The following NEU4 variants were observed in gnomAD, a reference collection of about 807,000 sequenced individuals.
NEU4 encodes the protein neuraminidase 4.
Under a neutral mutation model 9.9 loss-of-function variants are expected in NEU4, and 7 were observed. That is an observed-to-expected ratio of 0.71 (90% CI 0.40 to 1.33). The LOEUF is 1.33. NEU4 is among the 40% of genes most tolerant of loss of function. NEU4 has a pLI of 0.01. For missense variants in NEU4, 717 were observed against 712.6 expected (o/e 1.01, Z -0.07); for synonymous variants, 348 against 316.9 (o/e 1.10, Z -1.04).
chr2:241,814,422 A>C, intron 1 of NEU4, 60 bp from the exon 2 acceptor site: 1 of 1,523,796 alleles, frequency 6.6e-7, no homozygotes, highest in Non-Finnish European at 9.0e-7. Context: ...CCAGACCGGG[A>C]GCGAGTGTGG....
At chr2:241,810,804 G>A (rs551099572) in intron 1 of NEU4, 1 of 358,192 alleles carries the variant, frequency 2.8e-6, no homozygotes, top group African/African-American at 2.3e-5. Context: ...GCAGGCCAGC[G>A]TGAATGGGAC....
chr2:241,816,514 A>G lies in NEU4; in HGVS notation c.921A>G (p.Pro307=), dbSNP rs1486458794. ...SVGPGSPLQP[P]LLGPGVHEPP... is the part of the protein sequence containing the mutation. ...GCCCCGGGAGTCCCCTCCAGCCTCCACTCCTCGGTCCTGGAGTCCACGAAC... is the reference window on the plus strand; with the variant it reads ...GCCCCGGGAGTCCCCTCCAGCCTCCGCTCCTCGGTCCTGGAGTCCACGAAC... Residue 307 remains proline (P), a synonymous_variant, in exon 4 of 4, where the codon CCA becomes CCG. Transcript: ENST00000407683. The G allele has an allele frequency of 6.2e-6, 10 of 1,610,852 alleles. No individual in the cohort carries two copies. Among genetic ancestry groups the G allele is most frequent in the East Asian group, 2.2e-5 (1 of 44,802 alleles).
At chr2:241,811,318 C>T (rs145109496) in intron 1 of NEU4, 9 of 1,341,980 alleles carry the variant, frequency 6.7e-6, no homozygotes, top group South Asian at 4.4e-5. Flanking sequence ...GCCGTGCCAC[C>T]GTGGGAGTGT....
Position 241,813,630 on chromosome 2 carries a change from C to T in NEU4, c.-3-852C>T, listed in dbSNP as rs1195709808. ...CTCCCAGAATGGCCGCCGGGCCCCA[C>T]TCGGCTTTGGAGCTTCTGATTCCTG... On this transcript the variant is annotated intron_variant, in intron 1 of 3. Coordinates refer to ENST00000407683, the MANE Select transcript of NEU4 (RefSeq NM_001167600.3). 3.3e-6 allele frequency: 3 copies of T among 914,126 alleles called. No individual in the cohort carries two copies. In the Admixed American group the frequency reaches 7.0e-5, roughly 21 times the overall value. 56.6% of individuals were successfully genotyped at this position (914,126 alleles called of 1,614,324 possible). A position where few individuals can be genotyped will look rare whatever the true frequency, so the allele number is the denominator to read the frequency against.
chr2:241,809,568 C>T lies in NEU4; in HGVS notation c.-4+294C>T, dbSNP rs745323702. The T allele has an allele frequency of 7.5e-4, 249 of 329,938 alleles. 1 individual carries two copies. The highest frequency in any genetic ancestry group is 8.3e-4 in the Non-Finnish European group (141 of 169,866). 20.4% of individuals were successfully genotyped at this position (329,938 alleles called of 1,614,324 possible). A position where few individuals can be genotyped will look rare whatever the true frequency, so the allele number is the denominator to read the frequency against. Reference sequence around the variant, plus strand: ...CTTCCCCCGGGTGGCTTTCACCCCACGGGGACAGAGCCCCAGATGGGCCCA... The same window carrying T: ...CTTCCCCCGGGTGGCTTTCACCCCATGGGGACAGAGCCCCAGATGGGCCCA... On this transcript the variant is annotated intron_variant, in intron 1 of 3. Coordinates refer to ENST00000407683, the MANE Select transcript of NEU4 (RefSeq NM_001167600.3).
intron 1 of NEU4, chr2:241,811,213 T>C: frequency 8.1e-7 from 1 of 1,239,800 alleles, no homozygotes; most frequent in Non-Finnish European, 1.0e-6. Flanking sequence ...GTTGAGTGCC[T>C]TGACCTGCAG....
At position 241,816,660 on chromosome 2, in the gene NEU4, A is replaced by G. The variant is rs771772566; in HGVS notation, c.1067A>G (p.Asp356Gly). 6.5e-7 allele frequency: 1 copy of G among 1,532,570 alleles called. No individual in the cohort carries two copies. The highest frequency in any genetic ancestry group is 8.7e-7 in the Non-Finnish European group (1 of 1,143,682). The allele number at this position is 1,532,570 out of a possible 1,614,324, so 94.9% of individuals were successfully genotyped here. Residue 356 changes from aspartate to glycine, a missense_variant, in exon 4 of 4, where the codon GAT (aspartate) becomes GGT (glycine). Coordinates refer to ENST00000407683, the MANE Select transcript of NEU4 (RefSeq NM_001167600.3). ...QPGPRPGVSG[D>G]VGSWTLALPM... ...GGCCCCAGGCCTGGGGTCAGTGGGG[A>G]TGTGGGGTCCTGGACCCTGGCACTC...
In NEU4 at chr2:241,817,403, C is replaced by T. The variant is rs1037824875; in HGVS notation, c.*355C>T. The T allele has an allele frequency of 2.4e-5, 8 of 339,314 alleles. No individual in the cohort carries two copies. Among genetic ancestry groups the T allele is most frequent in the African/African-American group, 1.5e-4 (7 of 47,256 alleles). 21.0% of individuals were successfully genotyped at this position (339,314 alleles called of 1,614,324 possible). A position where few individuals can be genotyped will look rare whatever the true frequency, so the allele number is the denominator to read the frequency against. On this transcript the variant is annotated 3_prime_UTR_variant, in exon 4 of 4. Transcript: ENST00000407683. ...TCTGGCTCGAAATAAAGGAATCGTGCTTGTGTCGGGGTAGACGTTTCTTTC... is the reference window on the plus strand; with the variant it reads ...TCTGGCTCGAAATAAAGGAATCGTGTTTGTGTCGGGGTAGACGTTTCTTTC...
rs535039773 is a variant in NEU4, at chr2:241,813,522, C to T, written c.-3-960C>T. On this transcript the variant is annotated intron_variant, in intron 1 of 3. Transcript: ENST00000407683. ...ACTGAGAGACCCCCCAGGCAGGTCC[C>T]GCCTGCAACAAGCAGACCCCATGCG... The T allele has an allele frequency of 4.0e-4, 494 of 1,226,958 alleles. 26 individuals carry two copies. In the South Asian group the frequency reaches 5.9e-3, roughly 15 times the overall value. 76.0% of individuals were successfully genotyped at this position (1,226,958 alleles called of 1,614,324 possible).
chr2:241,813,546 C>A (rs553432348), intron 1 of NEU4: 2 of 1,268,956 alleles, frequency 1.6e-6, no homozygotes, highest in East Asian at 5.9e-5. Flanking sequence ...AGACCCCATG[C>A]GTGCCCCAAA....
chr2:241,814,907 G>A lies in NEU4; in HGVS notation c.217G>A (p.Val73Met), dbSNP rs758294570. 9.9e-5 allele frequency: 160 copies of A among 1,610,826 alleles called. No homozygotes were observed. The highest frequency in any genetic ancestry group is 1.2e-4 in the Non-Finnish European group (144 of 1,178,904). ...CTCTGGGCAGTGGGGTGCCCTGCAC[G>A]TGCTGGGGACAGCAGCCCTGGCGGA... ...GGSVRWGALHVLGTAALAEHR... is the reference protein window; with the variant it reads ...GGSVRWGALHMLGTAALAEHR... The change falls in exon 3 of 4, where the codon GTG (valine) becomes ATG (methionine). Residue 73 changes from valine to methionine, a missense_variant. Val to Met is a conservative substitution (Grantham distance 21). Coordinates refer to ENST00000407683, the MANE Select transcript of NEU4 (RefSeq NM_001167600.3).
In NEU4 at chr2:241,816,619, T is replaced by G. The variant is rs2125219526; in HGVS notation, c.1026T>G (p.Asp342Glu). 6.4e-7 allele frequency: 1 copy of G among 1,572,984 alleles called. No individual in the cohort carries two copies. The highest frequency in any genetic ancestry group is 2.3e-5 in the East Asian group (1 of 44,204). Reference sequence around the variant, plus strand: ...TCAGCCGTCTGCAGCCTCGGGGGGATGGCCCCAGGCAGCCTGGCCCCAGGC... The same window carrying G: ...TCAGCCGTCTGCAGCCTCGGGGGGAGGGCCCCAGGCAGCCTGGCCCCAGGC... Reference protein sequence around the residue: ...GPFSRLQPRGDGPRQPGPRPG... With the variant: ...GPFSRLQPRGEGPRQPGPRPG... Residue 342 changes from aspartate to glutamate, a missense_variant, in exon 4 of 4, where the codon GAT becomes GAG. By Grantham distance (45) the Asp-to-Glu change is conservative. Transcript: ENST00000407683.
intron 3 of NEU4, chr2:241,815,622 T>C: frequency 2.0e-6 from 1 of 495,886 alleles, no homozygotes; most frequent in Non-Finnish European, 4.0e-6. Flanking sequence ...TATTCTTTAC[T>C]CCCTTCTCAC....
chr2:241,816,329 G>A lies in NEU4; in HGVS notation c.736G>A (p.Gly246Ser). ...CTACTGCAATGCCCGGAGCCCACTG[G>A]GCAGCCGTGTGCAGGCGCTCAGCAC... ...FLYCNARSPL[G>S]SRVQALSTDE... Residue 246 changes from glycine (G) to serine (S), a missense_variant, in exon 4 of 4, where the codon GGC (glycine) becomes AGC (serine). Coordinates refer to ENST00000407683, the MANE Select transcript of NEU4 (RefSeq NM_001167600.3). The A allele has an allele frequency of 6.3e-7, 1 of 1,578,470 alleles. No individual in the cohort carries two copies. The highest frequency in any genetic ancestry group is 8.6e-7 in the Non-Finnish European group (1 of 1,164,670).
chr2:241,815,764 G>A lies in NEU4; in HGVS notation c.458-287G>A, dbSNP rs1700304869. ...ACATGGCCAACCCAGGGACCCCACT[G>A]CAGGGCCTCATGCCCCCCGCCTGCC... On this transcript the variant is annotated intron_variant, in intron 3 of 3. Transcript: ENST00000407683. The A allele has an allele frequency of 6.9e-6, 4 of 582,066 alleles. No homozygotes were observed. In the Admixed American group the frequency reaches 9.1e-5, roughly 13 times the overall value. 36.1% of individuals were successfully genotyped at this position (582,066 alleles called of 1,614,324 possible).
Position 241,816,917 on chromosome 2 carries a change from G to C in NEU4, c.1324G>C (p.Gly442Arg). Residue 442 changes from glycine to arginine, a missense_variant, in exon 4 of 4, where the codon GGG becomes CGG. Physicochemically the swap from Gly to Arg is moderately radical, Grantham distance 125. Transcript: ENST00000407683. ...GLVFACLYESGARTSYDEISF... is the reference protein window; with the variant it reads ...GLVFACLYESRARTSYDEISF... ...GGTTTTTGCCTGCCTGTACGAGAGCGGGGCCAGGACCTCCTATGATGAGAT... is the reference window on the plus strand; with the variant it reads ...GGTTTTTGCCTGCCTGTACGAGAGCCGGGCCAGGACCTCCTATGATGAGAT... 1.2e-6 allele frequency: 2 copies of C among 1,612,902 alleles called. No individual in the cohort carries two copies. The highest frequency in any genetic ancestry group is 2.2e-5 in the East Asian group (1 of 44,866).
intron 3 of NEU4, chr2:241,815,653 G>A (rs565729056): frequency 9.7e-6 from 5 of 514,450 alleles, no homozygotes; most frequent in Non-Finnish European, 1.9e-5. Flanking sequence ...GCCTGGCCAG[G>A]CCTCACCCAC....
chr2:241,814,565 G>A lies in NEU4; in HGVS notation c.81G>A (p.Leu27=), dbSNP rs765589711. Residue 27 remains leucine, a synonymous_variant, in exon 2 of 4, where the codon CTG becomes CTA. Transcript: ENST00000407683. ...RTGLTYRVPS[L]LPVPPGPTLL... ...GCCTGACCTACCGCGTGCCCTCGCTGCTCCCCGTGCCCCCCGGGCCCACCC... is the reference window on the plus strand; with the variant it reads ...GCCTGACCTACCGCGTGCCCTCGCTACTCCCCGTGCCCCCCGGGCCCACCC... The A allele has an allele frequency of 3.7e-6, 6 of 1,612,436 alleles. No homozygotes were observed. The East Asian group carries it at 1.1e-4, about 30-fold the overall frequency.
chr2:241,813,658 G>T, intron 1 of NEU4: 3 of 671,454 alleles, frequency 4.5e-6, no homozygotes, highest in Non-Finnish European at 7.3e-6. Flanking sequence ...GATTCCTGTG[G>T]GCGCTTCTCA....
Sources: allele counts gnomAD v4.1 joint callset, GRCh38; gene constraint gnomAD v4.1.1; transcripts MANE v1.5; gene names NCBI Gene and HGNC (gene_info 2026-07-23, HGNC 2026-07-21).